The following GPM6A variants were observed in gnomAD, a reference collection of about 807,000 sequenced individuals.
The protein encoded by GPM6A is neuronal membrane glycoprotein M6-a.
A neutral mutation model predicts 32.1 loss-of-function variants in GPM6A; 7 were observed. The observed-to-expected ratio is 0.22, with a 90% confidence interval of 0.12 to 0.41. The LOEUF is 0.41. Ranked by LOEUF, GPM6A falls within the 10% of genes least tolerant of loss-of-function variation. The pLI, the probability that GPM6A is intolerant of heterozygous loss-of-function variation, is 1.00. For missense variants in GPM6A, 235 were observed against 347.2 expected, an observed-to-expected ratio of 0.68 and a Z score of 2.57; for synonymous variants, 130 against 123.4, an observed-to-expected ratio of 1.05 and a Z score of -0.35.
intron 1 of GPM6A, chr4:175,962,204 G>A: frequency 8.0e-7 from 1 of 1,252,432 alleles, no homozygotes; most frequent in Non-Finnish European, 1.2e-6. Flanking sequence ...TGGAGTATTG[G>A]AGTCAGTTCA....
At position 175,870,346 on chromosome 4, in the gene GPM6A, T is replaced by C. The variant is rs747442233; in HGVS notation, c.-22-58097A>G. Among the ~76,000 whole-genome samples the C allele has an allele frequency of 4.8e-4, 73 of 152,148 alleles. 1 individual carries two copies. Among genetic ancestry groups the C allele is most frequent in the Non-Finnish European group, 4.4e-4 (30 of 68,018 alleles). On this transcript the variant is annotated intron_variant, in intron 1 of 7. Coordinates refer to the GPM6A transcript ENST00000280187. The stretch of plus-strand genomic sequence containing the variant: ...AAAAAGTCCCTGTGTAAGTAAGCTA[T>C]CCTAAGCCCTTTAATTCAGCATCTT...
intron 1 of GPM6A, among the ~76,000 whole-genome samples, chr4:175,994,453 G>T (rs530935922): frequency 2.6e-5 from 4 of 152,208 alleles, no homozygotes; most frequent in South Asian, 2.1e-4. Context: ...TGAATTTTTT[G>T]ATTTCCCAGT....
At chr4:175,949,424 C>T (rs550111596) in intron 1 of GPM6A, among the ~76,000 whole-genome samples, 17 of 151,900 alleles carry the variant, frequency 1.1e-4, no homozygotes, top group African/African-American at 4.1e-4. Context: ...CTCAGCCTCC[C>T]GAAGTGCTAG....
intron 1 of GPM6A, among the ~76,000 whole-genome samples, chr4:175,706,456 G>A (rs1018539936): frequency 1.3e-5 from 2 of 152,172 alleles, no homozygotes; most frequent in Non-Finnish European, 2.9e-5. Flanking sequence ...ACAAAATTGT[G>A]GATTCTGGAA....
upstream of GPM6A, among the ~76,000 whole-genome samples, chr4:175,817,079 C>T (rs1310662515): frequency 6.6e-6 from 1 of 152,042 alleles, no homozygotes; most frequent in Non-Finnish European, 1.5e-5. Flanking sequence ...AGGATGGTCT[C>T]GATCTCCTGA....
intron 2 of GPM6A, among the ~76,000 whole-genome samples, chr4:175,689,600 T>C (rs1478013179): frequency 2.0e-5 from 3 of 152,218 alleles, no homozygotes; most frequent in Non-Finnish European, 4.4e-5. Context: ...TCTACTCCAC[T>C]GGGTGGCATG....
intron 1 of GPM6A, among the ~76,000 whole-genome samples, chr4:175,952,474 T>C (rs1191194257): frequency 6.6e-6 from 1 of 152,152 alleles, no homozygotes; most frequent in Non-Finnish European, 1.5e-5. Context: ...AGTTGCCCAT[T>C]GTAACAAGGA....
At chr4:175,865,187 T>A (rs1291000944) in intron 1 of GPM6A, among the ~76,000 whole-genome samples, 1 of 152,186 alleles carries the variant, frequency 6.6e-6, no homozygotes, top group Admixed American at 6.6e-5. Flanking sequence ...GCACAATTGT[T>A]AAAAAGATGA....
chr4:175,872,987 T>G (rs1481488636), intron 1 of GPM6A, among the ~76,000 whole-genome samples: 1 of 152,156 alleles, frequency 6.6e-6, no homozygotes, highest in South Asian at 2.1e-4. Context: ...AGTAGATACC[T>G]GCTGATTTTA....
At chr4:175,870,962 G>A (rs1736887881) in intron 1 of GPM6A, among the ~76,000 whole-genome samples, 1 of 151,996 alleles carries the variant, frequency 6.6e-6, no homozygotes, top group Non-Finnish European at 1.5e-5. Flanking sequence ...CAATAAATGT[G>A]AGTACCTATT....
chr4:175,654,744 CT>C (rs1741988175), intron 3 of GPM6A, among the ~76,000 whole-genome samples: 1 of 151,920 alleles, frequency 6.6e-6, no homozygotes, highest in Admixed American at 6.6e-5. Flanking sequence ...GGGAAAAAAT[CT>C]TTTTTATTAA....
At chr4:175,735,886 G>A (rs1731640428) in intron 1 of GPM6A, among the ~76,000 whole-genome samples, 2 of 152,162 alleles carry the variant, frequency 1.3e-5, no homozygotes, top group African/African-American at 4.8e-5. Context: ...AACACAAATA[G>A]ATTTGGAAGA....
At chr4:175,637,833 A>T (rs1239204762) in intron 6 of GPM6A, among the ~76,000 whole-genome samples, 1 of 119,974 alleles carries the variant, frequency 8.3e-6, no homozygotes, top group African/African-American at 3.3e-5. Flanking sequence ...ATATAAAAAT[A>T]TATAATATAT....
chr4:175,749,987 T>C (rs1732258514), intron 1 of GPM6A, among the ~76,000 whole-genome samples: 1 of 152,184 alleles, frequency 6.6e-6, no homozygotes, highest in African/African-American at 2.4e-5. Context: ...AGCCATTTCA[T>C]TTTGTACATA....
intron 1 of GPM6A, among the ~76,000 whole-genome samples, chr4:175,710,453 T>C (rs970396261): frequency 3.3e-5 from 5 of 152,130 alleles, no homozygotes; most frequent in Admixed American, 2.6e-4. Context: ...ATATAAGTCG[T>C]TTTTTTCTTG....
intron 1 of GPM6A, among the ~76,000 whole-genome samples, chr4:175,722,071 G>A (rs888544898): frequency 3.3e-5 from 5 of 152,096 alleles, no homozygotes; most frequent in African/African-American, 1.2e-4. Flanking sequence ...AGAATTGCTT[G>A]AGTCCAGGAG....
intron 1 of GPM6A, among the ~76,000 whole-genome samples, chr4:175,949,949 T>C (rs1289224003): frequency 6.6e-6 from 1 of 152,166 alleles, no homozygotes; most frequent in Non-Finnish European, 1.5e-5. Flanking sequence ...ATTTTACAAG[T>C]TCATGAGTGA....
chr4:175,955,704 C>T (rs1739963180), intron 1 of GPM6A, among the ~76,000 whole-genome samples: 1 of 152,154 alleles, frequency 6.6e-6, no homozygotes, highest in African/African-American at 2.4e-5. Context: ...CAAGCAGTAA[C>T]AACAGCCAAA....
At chr4:175,892,978 TG>T (rs982817592) in intron 1 of GPM6A, among the ~76,000 whole-genome samples, 2 of 152,220 alleles carry the variant, frequency 1.3e-5, no homozygotes, top group Non-Finnish European at 2.9e-5. Flanking sequence ...ACAGTTGGGC[TG>T]GTCCTGCTCC....
Sources: gnomAD v4.1 joint callset for allele counts (sites outside exome capture counted in the v4.1 genomes callset) on GRCh38, gnomAD v4.1.1 for gene constraint, MANE v1.5 for transcripts, NCBI Gene and HGNC (gene_info 2026-07-23, HGNC 2026-07-21) for gene names.